Variants in BBS4 observed in about 807,000 individuals in gnomAD.
BBS4 encodes the protein Bardet-Biedl syndrome 4, also known as BBSome complex member BBS4.
A neutral mutation model predicts 71.4 loss-of-function variants in BBS4; 58 were observed. The ratio of observed to expected loss-of-function variants is 0.81; its 90% CI spans 0.66 to 1.01. The LOEUF is 1.01. Ranked by LOEUF, BBS4 falls within the 50% of genes least tolerant of loss-of-function variation. The pLI, the probability that BBS4 is intolerant of heterozygous loss-of-function variation, is 0.00. For missense variants in BBS4, 660 were observed against 607.9 expected (o/e 1.09, Z -0.90); for synonymous variants, 228 against 216.8 (o/e 1.05, Z -0.46).
At chr15:72,717,100 C>T in intron 6 of BBS4, 1 of 493,776 alleles carries the variant, frequency 2.0e-6, no homozygotes, top group East Asian at 3.6e-5. Flanking sequence ...TGTTGATGAC[C>T]CCTAGAAGCT....
intron 2 of BBS4, among the ~76,000 whole-genome samples, chr15:72,708,804 A>G (rs1346520415): frequency 6.6e-6 from 1 of 152,062 alleles, no homozygotes. Flanking sequence ...TGACATAAGG[A>G]CTGAAATACA....
At position 72,730,607 on chromosome 15, in the gene BBS4, T is replaced by C. The variant is rs1595946150; in HGVS notation, c.712-698T>C. On this transcript the variant is annotated intron_variant, in intron 10 of 15. Coordinates refer to ENST00000268057, the MANE Select transcript of BBS4 (RefSeq NM_033028.5). ...TGTCTCTAAAAAGAAACAATAATTATGTTGAAATGACTTCTAGAGTCCTAA... is the reference window on the plus strand; with the variant it reads ...TGTCTCTAAAAAGAAACAATAATTACGTTGAAATGACTTCTAGAGTCCTAA... Among the ~76,000 whole-genome samples the C allele has an allele frequency of 2.0e-5, 3 of 152,144 alleles. No homozygotes were observed. In the East Asian group the frequency reaches 5.8e-4, roughly 29 times the overall value.
At chr15:72,696,324 GT>G (rs1567399799) in intron 2 of BBS4, among the ~76,000 whole-genome samples, 1 of 152,010 alleles carries the variant, frequency 6.6e-6, no homozygotes, top group African/African-American at 2.4e-5. Flanking sequence ...AGCTATTTTA[GT>G]TTTGCTTTGG....
intron 2 of BBS4, among the ~76,000 whole-genome samples, chr15:72,701,325 A>G (rs2065165060): frequency 6.6e-6 from 1 of 152,146 alleles, no homozygotes; most frequent in Admixed American, 6.6e-5. Flanking sequence ...CTTGTTATAT[A>G]TATTCCATTG....
intron 14 of BBS4, among the ~76,000 whole-genome samples, 179 bp from the exon 15 acceptor site, chr15:72,736,583 C>T (rs945474715): frequency 1.3e-4 from 20 of 152,150 alleles, no homozygotes; most frequent in African/African-American, 4.8e-4. Flanking sequence ...TGTGAACCAC[C>T]ATGCCATCCA....
intron 7 of BBS4, among the ~76,000 whole-genome samples, chr15:72,724,235 A>G (rs1237509610): frequency 6.6e-6 from 1 of 152,168 alleles, no homozygotes; most frequent in Non-Finnish European, 1.5e-5. Flanking sequence ...GGCCCTTTTG[A>G]CTTATGAAGT....
chr15:72,731,842 A>C lies in BBS4; in HGVS notation c.1036+116A>C. 3 of 1,258,550 alleles carry C rather than the reference A, an allele frequency of 2.4e-6. No individual in the cohort carries two copies. The African/African-American group carries it at 4.4e-5, about 19-fold the overall frequency. 78.0% of individuals were successfully genotyped at this position (1,258,550 alleles called of 1,614,324 possible). On this transcript the variant is annotated intron_variant, in intron 12 of 15. Coordinates refer to ENST00000268057, the MANE Select transcript of BBS4 (RefSeq NM_033028.5). ...GGAGCCATTCCCTTAGAGATCCTGTAGGAATCTGGATTACTGTCCTGGAGC... is the reference window on the plus strand; with the variant it reads ...GGAGCCATTCCCTTAGAGATCCTGTCGGAATCTGGATTACTGTCCTGGAGC...
At chr15:72,724,896 G>A (rs1204441996) in intron 8 of BBS4, among the ~76,000 whole-genome samples, 1 of 152,040 alleles carries the variant, frequency 6.6e-6, no homozygotes, top group Non-Finnish European at 1.5e-5. Context: ...GGTCAGCCAG[G>A]GATCCAGGTT....
intron 15 of BBS4, 167 bp downstream of exon 15, chr15:72,737,130 C>G: frequency 1.2e-6 from 1 of 817,178 alleles, no homozygotes; most frequent in Non-Finnish European, 2.0e-6. Flanking sequence ...GCACTTGTTT[C>G]CTTAAGGCGA....
Position 72,712,251 on chromosome 15 carries a change from T to C in BBS4, c.164T>C (p.Ile55Thr), listed in dbSNP as rs1423288906. The C allele has an allele frequency of 6.2e-6, 10 of 1,613,894 alleles. No individual in the cohort carries two copies. Among genetic ancestry groups the C allele is most frequent in the Non-Finnish European group, 8.5e-6 (10 of 1,179,934 alleles). ...RKDYEACKAVIKEQLQETQGL... is the reference protein window; with the variant it reads ...RKDYEACKAVTKEQLQETQGL... ...TTTTTCTCCCTCTTTCAGGCTGTTA[T>C]CAAAGAACAGCTTCAAGAGACTCAG... The change falls in exon 4 of 16, where the codon ATC becomes ACC. Residue 55 changes from isoleucine (I) to threonine (T), a missense_variant. Transcript: ENST00000268057.
At chr15:72,729,439 G>GGGGTT (rs1005069672) in intron 9 of BBS4, among the ~76,000 whole-genome samples, 177 bp from the exon 10 acceptor site, 13 of 151,742 alleles carry the variant, frequency 8.6e-5, no homozygotes, top group African/African-American at 2.9e-4. Context: ...TAGTAGAGAT[G>GGGGTT]GGGTTTCTCC....
At chr15:72,690,718 T>C (rs534650672) in intron 1 of BBS4, among the ~76,000 whole-genome samples, 1 of 152,308 alleles carries the variant, frequency 6.6e-6, no homozygotes, top group East Asian at 1.9e-4. Context: ...TCCAGAAGGG[T>C]TCCTGTGTCA....
chr15:72,710,195 G>GTTTTTTTTTTT (rs66684005), intron 3 of BBS4, among the ~76,000 whole-genome samples: 19 of 103,432 alleles, frequency 1.8e-4, no homozygotes, highest in African/African-American at 6.6e-4. Flanking sequence ...ATTTTGTCGA[G>GTTTTTTTTTTT]TTTTTTTTTT....
intron 15 of BBS4, 190 bp downstream of exon 15, chr15:72,737,153 G>A (rs949982623): frequency 1.4e-6 from 1 of 694,070 alleles, no homozygotes; most frequent in Non-Finnish European, 2.5e-6. Context: ...TATGTAGTAG[G>A]TAACAGCTAC....
Position 72,715,329 on chromosome 15 carries a change from C to G in BBS4, c.259C>G (p.Leu87Val). ...CCTAGAAGGAAATATCCAAGAATCC[C>G]TAGAACTCTTCCAGACATGTGCAGT... ...FRLEGNIQES[L>V]ELFQTCAVLS... The change falls in exon 5 of 16, where the codon CTA becomes GTA. Residue 87 changes from leucine (L) to valine (V), a missense_variant. By Grantham distance (32) the Leu-to-Val change is conservative. Coordinates refer to ENST00000268057, the MANE Select transcript of BBS4 (RefSeq NM_033028.5). 2 of 1,613,966 alleles carry G rather than the reference C, an allele frequency of 1.2e-6. No individual in the cohort carries two copies. The highest frequency in any genetic ancestry group is 1.3e-5 in the African/African-American group (1 of 75,026).
At chr15:72,695,269 C>A in intron 2 of BBS4, 41 bp downstream of exon 2, 2 of 1,299,106 alleles carry the variant, frequency 1.5e-6, no homozygotes, top group Non-Finnish European at 2.2e-6. Context: ...TTTGCACAGA[C>A]AGATTTCTCT....
intron 2 of BBS4, among the ~76,000 whole-genome samples, chr15:72,705,598 T>TTC (rs1157771760): frequency 4.2e-5 from 6 of 141,390 alleles, no homozygotes; most frequent in Non-Finnish European, 6.2e-5. Context: ...TTTTTTTTTT[T>TTC]TTTTTTTTTT....
chr15:72,726,026 T>C (rs1391441716), intron 8 of BBS4, among the ~76,000 whole-genome samples: 1 of 140,786 alleles, frequency 7.1e-6, no homozygotes, highest in African/African-American at 2.7e-5. Context: ...TTCCTTCCTT[T>C]TTCTCTCTTT....
chr15:72,704,472 A>G (rs1420142152), intron 2 of BBS4: 3 of 1,285,202 alleles, frequency 2.3e-6, no homozygotes, highest in African/African-American at 3.0e-5. Context: ...TTCAACTTAT[A>G]TATTTACAGG....
Sources: gnomAD v4.1 joint callset for allele counts (sites outside exome capture counted in the v4.1 genomes callset) on GRCh38, gnomAD v4.1.1 for gene constraint, MANE v1.5 for transcripts, NCBI Gene and HGNC (gene_info 2026-07-23, HGNC 2026-07-21) for gene names.